FHIT: variants seen among roughly 807,000 people sequenced by gnomAD.
FHIT encodes bis(5'-adenosyl)-triphosphatase.
A neutral mutation model predicts 17.9 loss-of-function variants in FHIT; 19 were observed. The observed-to-expected ratio is 1.06, with a 90% CI of 0.74 to 1.56. The LOEUF is 1.56. FHIT is among the 40% of genes most tolerant of loss of function. The pLI is 0.00. For synonymous variants in FHIT, 81 were observed against 69.7 expected (o/e 1.16, Z -0.81); for missense variants, 248 against 189.2 (o/e 1.31, Z -1.82).
chr3:60,076,159 A>G (rs1702996838), intron 5 of FHIT, among the ~76,000 whole-genome samples: 1 of 152,092 alleles, frequency 6.6e-6, no homozygotes, highest in African/African-American at 2.4e-5. Flanking sequence ...ACTACTGGAA[A>G]TGAAGACCTT....
chr3:60,049,541 A>G (rs994875514), intron 5 of FHIT, among the ~76,000 whole-genome samples: 1 of 152,198 alleles, frequency 6.6e-6, no homozygotes, highest in African/African-American at 2.4e-5. Context: ...TTTAAGATGT[A>G]CTATAAAATA....
rs370271031 is a variant in FHIT at position 60,195,665 on chromosome 3, T to C, written c.104-181513A>G. On this transcript the variant is annotated intron_variant, in intron 5 of 9. Coordinates refer to ENST00000492590, the MANE Select transcript of FHIT (RefSeq NM_002012.4). ...AACATGATATATATACACACATATA[T>C]ATATGTATACCATGGAATACTACTC... is the stretch of plus-strand genomic sequence containing the variant. Among the ~76,000 whole-genome samples, 7 of 148,210 alleles carry C rather than the reference T, an allele frequency of 4.7e-5. No homozygotes were observed. The East Asian group carries it at 5.9e-4, about 12-fold the overall frequency.
intron 3 of FHIT, among the ~76,000 whole-genome samples, chr3:61,039,099 T>C (rs2033386411): frequency 6.6e-6 from 1 of 152,120 alleles, no homozygotes; most frequent in Non-Finnish European, 1.5e-5. Flanking sequence ...GTAAAGATTA[T>C]ATGAGGAAAT....
At chr3:60,647,719 T>C (rs1431223950) in intron 4 of FHIT, among the ~76,000 whole-genome samples, 1 of 152,210 alleles carries the variant, frequency 6.6e-6, no homozygotes, top group Non-Finnish European at 1.5e-5. Context: ...TCTAGCAGTA[T>C]GTGTTATTTG....
intron 8 of FHIT, among the ~76,000 whole-genome samples, chr3:59,905,634 ACT>A (rs1704551392): frequency 6.6e-6 from 1 of 152,148 alleles, no homozygotes; most frequent in South Asian, 2.1e-4. Context: ...GAGTCAATAG[ACT>A]CTATGAGACT....
At chr3:61,249,030 AC>A (rs1230293042) in intron 1 of FHIT, among the ~76,000 whole-genome samples, 1 of 152,230 alleles carries the variant, frequency 6.6e-6, no homozygotes, top group Non-Finnish European at 1.5e-5. Flanking sequence ...AGCTCAAAAA[AC>A]ATTTGTTGAA....
In FHIT at chr3:60,071,870, T is replaced by C. The variant is rs148130813; in HGVS notation, c.104-57718A>G. ...AGTGAATAAGTCTAATGAGATCTGA[T>C]GGTTTTATAAAGCGGAGTTCCCCTC... is the stretch of plus-strand genomic sequence containing the variant. On this transcript the variant is annotated intron_variant, in intron 5 of 9. Transcript: ENST00000492590. 9.4e-3 allele frequency among the ~76,000 whole-genome samples: 1,434 copies of C among 152,282 alleles called. 17 individuals carry two copies. Among genetic ancestry groups the C allele is most frequent in the African/African-American group, 0.033 (1,362 of 41,562 alleles).
intron 5 of FHIT, among the ~76,000 whole-genome samples, chr3:60,271,928 G>A (rs563134597): frequency 1.5e-4 from 23 of 152,258 alleles, no homozygotes; most frequent in Admixed American, 3.3e-4. Context: ...GTAGTACCAA[G>A]TGCTTTATGT....
intron 3 of FHIT, among the ~76,000 whole-genome samples, chr3:60,971,855 G>T (rs1325057469): frequency 6.6e-6 from 1 of 152,112 alleles, no homozygotes; most frequent in African/African-American, 2.4e-5. Flanking sequence ...CTATTATCAA[G>T]AGAAAATTCC....
intron 5 of FHIT, among the ~76,000 whole-genome samples, chr3:60,413,305 C>T (rs1702131218): frequency 1.3e-5 from 2 of 152,024 alleles, no homozygotes; most frequent in African/African-American, 4.8e-5. Flanking sequence ...AGGTGTTGAA[C>T]AGAGGACTAG....
At chr3:60,127,299 GC>G (rs1369688478) in intron 5 of FHIT, among the ~76,000 whole-genome samples, 2 of 152,118 alleles carry the variant, frequency 1.3e-5, no homozygotes, top group African/African-American at 2.4e-5. Context: ...TTTGATCCCA[GC>G]CTACGCATTT....
intron 7 of FHIT, among the ~76,000 whole-genome samples, chr3:59,994,987 G>C (rs1699447462): frequency 6.6e-6 from 1 of 152,070 alleles, no homozygotes; most frequent in African/African-American, 2.4e-5. Context: ...GGTGGGGATT[G>C]TTGTGGGTAC....
At chr3:60,463,707 T>C (rs950666356) in intron 5 of FHIT, among the ~76,000 whole-genome samples, 2 of 152,162 alleles carry the variant, frequency 1.3e-5, no homozygotes, top group Non-Finnish European at 2.9e-5. Context: ...AAAATAGACA[T>C]GGTTTCCAAT....
intron 5 of FHIT, among the ~76,000 whole-genome samples, chr3:60,222,906 C>T (rs1447507202): frequency 6.6e-6 from 1 of 152,074 alleles, no homozygotes; most frequent in East Asian, 1.9e-4. Flanking sequence ...ATCTCAAAAA[C>T]AAAAAGTAAT....
chr3:60,975,348 CAT>C (rs1425095804), intron 3 of FHIT, among the ~76,000 whole-genome samples: 1 of 152,144 alleles, frequency 6.6e-6, no homozygotes, highest in African/African-American at 2.4e-5. Flanking sequence ...GAGGCAGGCA[CAT>C]GTCAGAATTA....
At chr3:60,426,665 G>C (rs949877490) in intron 5 of FHIT, among the ~76,000 whole-genome samples, 5 of 152,018 alleles carry the variant, frequency 3.3e-5, no homozygotes, top group African/African-American at 1.2e-4. Flanking sequence ...ACCCTCTCTA[G>C]AACATTACAA....
chr3:59,956,196 G>A (rs958119537), intron 7 of FHIT, among the ~76,000 whole-genome samples: 1 of 152,032 alleles, frequency 6.6e-6, no homozygotes, highest in African/African-American at 2.4e-5. Context: ...TTAATCTAGT[G>A]GTTAAAAGCC....
intron 3 of FHIT, among the ~76,000 whole-genome samples, chr3:60,923,567 T>C (rs1277761357): frequency 6.6e-6 from 1 of 152,166 alleles, no homozygotes; most frequent in Non-Finnish European, 1.5e-5. Context: ...ATTTAAAACA[T>C]ATTCACGAGG....
intron 4 of FHIT, among the ~76,000 whole-genome samples, chr3:60,700,124 C>T (rs1412246800): frequency 1.2e-5 from 1 of 83,596 alleles, no homozygotes; most frequent in African/African-American, 3.8e-5. Context: ...GAGCGAGAGT[C>T]TGTCTCAAAA....
Sources: gnomAD v4.1 joint callset for allele counts (sites outside exome capture counted in the v4.1 genomes callset) on GRCh38, gnomAD v4.1.1 for gene constraint, MANE v1.5 for transcripts, NCBI Gene and HGNC (gene_info 2026-07-23, HGNC 2026-07-21) for gene names.